The following OR5A1 variants were observed in gnomAD, a reference collection of about 807,000 sequenced individuals.
The protein encoded by OR5A1 is olfactory receptor family 5 subfamily A member 1.
OR5A1 carries 6 observed loss-of-function variants against 6.7 expected under a neutral mutation model. The observed-to-expected ratio is 0.89, with a 90% CI of 0.49 to 1.76. The LOEUF (loss-of-function observed/expected upper bound fraction) is 1.76. Among genes scored for constraint, OR5A1 ranks in the 40% most tolerant of loss-of-function variants. The pLI, the probability that OR5A1 is intolerant of heterozygous loss-of-function variation, is 0.01. For synonymous variants in OR5A1, 170 were observed against 155.0 expected, an observed-to-expected ratio of 1.10 and a Z score of -0.72; for missense variants, 378 against 381.7, an observed-to-expected ratio of 0.99 and a Z score of 0.08.
Position 59,450,159 on chromosome 11 carries a change from A to G in OR5A1, c.*6043A>G, listed in dbSNP as rs1226732610. 6.6e-6 allele frequency: 1 copy of G among 152,226 alleles called. No individual in the cohort carries two copies. Among genetic ancestry groups the G allele is most frequent in the Non-Finnish European group, 1.5e-5 (1 of 68,030 alleles). 9.4% of individuals were successfully genotyped at this position (152,226 alleles called of 1,614,324 possible). ...CTTCGAAGGCTGTGCTCTTTTGAAC[A>G]AGCTAATTCTATGTTCAATCATGCA... is the stretch of plus-strand genomic sequence containing the variant. On this transcript the variant is annotated 3_prime_UTR_variant, in exon 2 of 2. Coordinates refer to ENST00000641045, the MANE Select transcript of OR5A1 (RefSeq NM_001004728.2).
rs1490155348 is a variant in OR5A1 at position 59,443,307 on chromosome 11, G to T, written c.139G>T (p.Ala47Ser). The change falls in exon 2 of 2, where the codon GCC (alanine) becomes TCC (serine). Residue 47 changes from alanine (A) to serine (S), a missense_variant. Coordinates refer to ENST00000641045, the MANE Select transcript of OR5A1 (RefSeq NM_001004728.2). ...TCTTACCACCCTGGCCTGGAACCTG[G>T]CCCTCATTTTTCTGATCAGAGGTGA... Reference protein sequence around the residue: ...IYLTTLAWNLALIFLIRGDTH... With the variant: ...IYLTTLAWNLSLIFLIRGDTH... The T allele has an allele frequency of 6.2e-7, 1 of 1,613,564 alleles. No homozygotes were observed. Among genetic ancestry groups the T allele is most frequent in the Non-Finnish European group, 8.5e-7 (1 of 1,180,004 alleles).
At position 59,448,003 on chromosome 11, in the gene OR5A1, T is replaced by C. The variant is rs977757700; in HGVS notation, c.*3887T>C. The C allele has an allele frequency of 6.6e-6, 1 of 152,156 alleles. No individual in the cohort carries two copies. The highest frequency in any genetic ancestry group is 6.6e-5 in the Admixed American group (1 of 15,266). 9.4% of individuals were successfully genotyped at this position (152,156 alleles called of 1,614,324 possible). ...GCTTCCCTGGGCAACATTGGAAGAA[T>C]TTGTCTTGGGCCACACAAAAAAACA... On this transcript the variant is annotated 3_prime_UTR_variant, in exon 2 of 2. Coordinates refer to ENST00000641045, the MANE Select transcript of OR5A1 (RefSeq NM_001004728.2).
Position 59,448,915 on chromosome 11 carries a change from C to T in OR5A1, c.*4799C>T, listed in dbSNP as rs1858584081. On this transcript the variant is annotated 3_prime_UTR_variant, in exon 2 of 2. Coordinates refer to ENST00000641045, the MANE Select transcript of OR5A1 (RefSeq NM_001004728.2). ...TGAAATTTCTGTAATCGTTATCATA[C>T]AAGGACTTTGCATCAAATTTGATGT... The T allele has an allele frequency of 6.6e-6, 1 of 152,044 alleles. No individual in the cohort carries two copies. Among genetic ancestry groups the T allele is most frequent in the African/African-American group, 2.4e-5 (1 of 41,394 alleles). 9.4% of individuals were successfully genotyped at this position (152,044 alleles called of 1,614,324 possible).
rs1482555328 is a variant in OR5A1, at chr11:59,450,364, C to T, written c.*6248C>T. The T allele has an allele frequency of 6.6e-6, 1 of 152,110 alleles. No individual in the cohort carries two copies. The highest frequency in any genetic ancestry group is 1.5e-5 in the Non-Finnish European group (1 of 68,006). The allele number at this position is 152,110 out of a possible 1,614,324, so 9.4% of individuals were successfully genotyped here. ...CCCAGAGACCTGAGTTGGCTGATTC[C>T]AGGTTCTCCTCTGGGTGCCTCCAGC... On this transcript the variant is annotated 3_prime_UTR_variant, in exon 2 of 2. Coordinates refer to ENST00000641045, the MANE Select transcript of OR5A1 (RefSeq NM_001004728.2).
At position 59,449,622 on chromosome 11, in the gene OR5A1, T is replaced by G. The variant is rs1858594161; in HGVS notation, c.*5506T>G. 1 of 152,192 alleles carries G rather than the reference T, an allele frequency of 6.6e-6. No individual in the cohort carries two copies. The allele number at this position is 152,192 out of a possible 1,614,324, so 9.4% of individuals were successfully genotyped here. A position where few individuals can be genotyped will look rare whatever the true frequency, so the allele number is the denominator to read the frequency against. The stretch of plus-strand genomic sequence containing the variant: ...AGTTAGATGGCAGCAAAAAGACAAC[T>G]ATATAATGATATTAGGATTATGATA... On this transcript the variant is annotated 3_prime_UTR_variant, in exon 2 of 2. Coordinates refer to ENST00000641045, the MANE Select transcript of OR5A1 (RefSeq NM_001004728.2).
intron 1 of OR5A1, 134 bp from the exon 2 acceptor site, chr11:59,443,002 T>A: frequency 1.7e-6 from 1 of 598,046 alleles, no homozygotes; most frequent in South Asian, 2.1e-5. Flanking sequence ...AGAGAGAGAC[T>A]GAGACTGAGA....
At position 59,443,215 on chromosome 11, in the gene OR5A1, T is replaced by C; in HGVS notation, c.47T>C (p.Ile16Thr). Reference protein sequence around the residue: ...AWNSSSVTMFILLGFTDHPEL... With the variant: ...AWNSSSVTMFTLLGFTDHPEL... ...AACAGCTCATCAGTGACCATGTTCA[T>C]CCTCCTGGGATTCACAGACCATCCA... Residue 16 changes from isoleucine to threonine, a missense_variant, in exon 2 of 2, where the codon ATC becomes ACC. Physicochemically the swap from Ile to Thr is moderately conservative, Grantham distance 89. Coordinates refer to ENST00000641045, the MANE Select transcript of OR5A1 (RefSeq NM_001004728.2). The C allele has an allele frequency of 6.2e-7, 1 of 1,614,104 alleles. No homozygotes were observed. The highest frequency in any genetic ancestry group is 8.5e-7 in the Non-Finnish European group (1 of 1,180,016).
At chr11:59,442,991 G>A (rs1223021717) in intron 1 of OR5A1, 145 bp from the exon 2 acceptor site, 2 of 592,560 alleles carry the variant, frequency 3.4e-6, no homozygotes, top group Non-Finnish European at 6.0e-6. Flanking sequence ...CCTTCTTTGA[G>A]AGAGAGAGAC....
At chr11:59,441,342 G>GT (rs1468067565) in intron 1 of OR5A1, among the ~76,000 whole-genome samples, 3 of 151,974 alleles carry the variant, frequency 2.0e-5, no homozygotes, top group Admixed American at 6.6e-5. Context: ...ATAATGTTCA[G>GT]TTTCCTTTTT....
rs773261343 is a variant in OR5A1 at position 59,443,154 on chromosome 11, T to C, written c.-15T>C. The C allele has an allele frequency of 6.2e-7, 1 of 1,601,806 alleles. No homozygotes were observed. Among genetic ancestry groups the C allele is most frequent in the South Asian group, 1.1e-5 (1 of 90,304 alleles). On this transcript the variant is annotated 5_prime_UTR_variant, in exon 2 of 2. Coordinates refer to ENST00000641045, the MANE Select transcript of OR5A1 (RefSeq NM_001004728.2). ...ATCCCAGGTCTGCATCTTGTCCTTGTGGTCCACGGGAAGCATGTCCATAAC... is the reference window on the plus strand; with the variant it reads ...ATCCCAGGTCTGCATCTTGTCCTTGCGGTCCACGGGAAGCATGTCCATAAC...
chr11:59,450,361 T>A lies in OR5A1; in HGVS notation c.*6245T>A, dbSNP rs1858602483. 6.6e-6 allele frequency: 1 copy of A among 152,182 alleles called. No homozygotes were observed. The highest frequency in any genetic ancestry group is 6.5e-5 in the Admixed American group (1 of 15,284). 9.4% of individuals were successfully genotyped at this position (152,182 alleles called of 1,614,324 possible). ...GTTCCCAGAGACCTGAGTTGGCTGA[T>A]TCCAGGTTCTCCTCTGGGTGCCTCC... On this transcript the variant is annotated 3_prime_UTR_variant, in exon 2 of 2. Transcript: ENST00000641045.
chr11:59,440,592 G>C (rs995567455), intron 1 of OR5A1, among the ~76,000 whole-genome samples: 2 of 152,124 alleles, frequency 1.3e-5, no homozygotes, highest in Admixed American at 1.3e-4. Context: ...ACAGACCTCA[G>C]GTTTCTACCT....
At position 59,443,257 on chromosome 11, in the gene OR5A1, T is replaced by A; in HGVS notation, c.89T>A (p.Leu30His). The change falls in exon 2 of 2, where the codon CTC (leucine) becomes CAC (histidine). Residue 30 changes from leucine (L) to histidine (H), a missense_variant. By Grantham distance (99) the Leu-to-His change is moderately conservative. Coordinates refer to ENST00000641045, the MANE Select transcript of OR5A1 (RefSeq NM_001004728.2). Reference protein sequence around the residue: ...FTDHPELQALLFVTFLGIYLT... With the variant: ...FTDHPELQALHFVTFLGIYLT... ...GACCATCCAGAACTCCAGGCCCTCC[T>A]CTTTGTGACCTTCCTGGGCATCTAT... The A allele has an allele frequency of 6.2e-7, 1 of 1,613,982 alleles. No individual in the cohort carries two copies.
chr11:59,441,987 G>GATAA (rs1858487245), intron 1 of OR5A1, among the ~76,000 whole-genome samples: 1 of 146,758 alleles, frequency 6.8e-6, no homozygotes, highest in South Asian at 2.2e-4. Flanking sequence ...TAGATAGATA[G>GATAA]ATGATAGATG....
At position 59,444,533 on chromosome 11, in the gene OR5A1, C is replaced by T. The variant is rs1858525901; in HGVS notation, c.*417C>T. 6.4e-6 allele frequency: 1 copy of T among 156,518 alleles called. No individual in the cohort carries two copies. Among genetic ancestry groups the T allele is most frequent in the Non-Finnish European group, 1.4e-5 (1 of 70,524 alleles). The allele number at this position is 156,518 out of a possible 1,614,324, so 9.7% of individuals were successfully genotyped here. A position where few individuals can be genotyped will look rare whatever the true frequency, so the allele number is the denominator to read the frequency against. ...GGAAAATTAACTTGCTCAGGGTCAC[C>T]AAGGAAGAGGCAGAACTCTCATTCA... On this transcript the variant is annotated 3_prime_UTR_variant, in exon 2 of 2. Transcript: ENST00000641045.
Position 59,448,109 on chromosome 11 carries a change from T to C in OR5A1, c.*3993T>C, listed in dbSNP as rs142806760. 6.6e-6 allele frequency: 1 copy of C among 152,292 alleles called. No homozygotes were observed. Among genetic ancestry groups the C allele is most frequent in the Non-Finnish European group, 1.5e-5 (1 of 68,026 alleles). The allele number at this position is 152,292 out of a possible 1,614,324, so 9.4% of individuals were successfully genotyped here. The stretch of plus-strand genomic sequence containing the variant: ...AAGGAAGTTTACAAATTTGTATTGG[T>C]CCACATTCAAAGCCGTCCTGGGCCG... On this transcript the variant is annotated 3_prime_UTR_variant, in exon 2 of 2. Coordinates refer to ENST00000641045, the MANE Select transcript of OR5A1 (RefSeq NM_001004728.2).
chr11:59,438,597 G>A (rs970913621), intron 1 of OR5A1, among the ~76,000 whole-genome samples: 7 of 152,112 alleles, frequency 4.6e-5, no homozygotes, highest in Admixed American at 3.9e-4. Context: ...TACTGCTCCC[G>A]TGATGAGCTT....
chr11:59,443,186 C>T lies in OR5A1; in HGVS notation c.18C>T (p.Ala6=), dbSNP rs1438919905. ...CGGGAAGCATGTCCATAACCAAAGC[C>T]TGGAACAGCTCATCAGTGACCATGT... MSITK[A]WNSSSVTMFI... The change falls in exon 2 of 2, where the codon GCC becomes GCT. Residue 6 remains alanine (A), a synonymous_variant. Transcript: ENST00000641045. The T allele has an allele frequency of 6.2e-7, 1 of 1,613,890 alleles. No homozygotes were observed. Among genetic ancestry groups the T allele is most frequent in the Non-Finnish European group, 8.5e-7 (1 of 1,179,852 alleles).
Position 59,446,573 on chromosome 11 carries a change from C to T in OR5A1, c.*2457C>T, listed in dbSNP as rs1381245802. 2.6e-5 allele frequency: 4 copies of T among 152,202 alleles called. No individual in the cohort carries two copies. Among genetic ancestry groups the T allele is most frequent in the African/African-American group, 7.2e-5 (3 of 41,446 alleles). The allele number at this position is 152,202 out of a possible 1,614,324, so 9.4% of individuals were successfully genotyped here. On this transcript the variant is annotated 3_prime_UTR_variant, in exon 2 of 2. Transcript: ENST00000641045. ...CCACACCCTGAATTCCCCTTGCTATCTTCTATCTGAACCCATTGCTCCTAT... is the reference window on the plus strand; with the variant it reads ...CCACACCCTGAATTCCCCTTGCTATTTTCTATCTGAACCCATTGCTCCTAT...
Sources: allele counts gnomAD v4.1 joint callset (sites outside exome capture counted in the v4.1 genomes callset), GRCh38; gene constraint gnomAD v4.1.1; transcripts MANE v1.5; gene names NCBI Gene and HGNC (gene_info 2026-07-23, HGNC 2026-07-21).